Variants in LCORL observed in about 807,000 individuals in gnomAD.
LCORL encodes ligand-dependent nuclear receptor corepressor-like protein.
A neutral mutation model predicts 141.8 loss-of-function variants in LCORL; 41 were observed. The observed-to-expected ratio is 0.29, with a 90% CI of 0.23 to 0.38. The LOEUF (loss-of-function observed/expected upper bound fraction) is 0.38. Among genes scored for constraint, LCORL ranks in the 10% least tolerant of loss-of-function variants. The pLI is 1.00. For synonymous variants in LCORL, 618 were observed against 694.1 expected (o/e 0.89, Z 1.72); for missense variants, 1,759 against 2,035.0 (o/e 0.86, Z 2.61).
exon 8 of LCORL, chr4:17,845,577 A>C: frequency 3.9e-6 from 2 of 512,228 alleles, no homozygotes; most frequent in South Asian, 1.0e-4. Context: ...CATATAAAGA[A>C]TATAATCAAA....
intron 7 of LCORL, among the ~76,000 whole-genome samples, chr4:17,857,966 G>A (rs1724557007): frequency 6.6e-6 from 1 of 152,074 alleles, no homozygotes; most frequent in South Asian, 2.1e-4. Context: ...GCATCCCACT[G>A]AAAATTACCA....
chr4:17,880,960 T>C (rs1727486439), intron 6 of LCORL: 2 of 983,124 alleles, frequency 2.0e-6, no homozygotes, highest in Non-Finnish European at 2.4e-6. Context: ...AGAGTTTTAC[T>C]AAATTACTGC....
chr4:17,903,347 C>T (rs2109305685), intron 5 of LCORL, among the ~76,000 whole-genome samples: 1 of 152,100 alleles, frequency 6.6e-6, no homozygotes, highest in East Asian at 1.9e-4. Flanking sequence ...ATGAAGTATT[C>T]CATCTCTGCC....
At chr4:17,919,971 G>A (rs181925350) in intron 4 of LCORL, among the ~76,000 whole-genome samples, 45 of 152,334 alleles carry the variant, frequency 3.0e-4, no homozygotes, top group Admixed American at 2.9e-3. Flanking sequence ...GCCCTGGAGG[G>A]TGGCACACCC....
chr4:17,929,348 C>T lies in LCORL; in HGVS notation c.431-20003G>A, dbSNP rs965912532. Reference sequence around the variant, plus strand: ...AAATAATCTCGAAAGAGAACAAAATCGGAGGATTAGCATTTCCTAATTTCA... The same window carrying T: ...AAATAATCTCGAAAGAGAACAAAATTGGAGGATTAGCATTTCCTAATTTCA... On this transcript the variant is annotated intron_variant, in intron 4 of 7. Coordinates refer to ENST00000635767, the Ensembl canonical transcript of LCORL. 3.3e-5 allele frequency among the ~76,000 whole-genome samples: 5 copies of T among 152,160 alleles called. No individual in the cohort carries two copies. The South Asian group carries it at 6.2e-4, about 19-fold the overall frequency.
At chr4:17,946,289 A>G (rs1171275942) in intron 4 of LCORL, among the ~76,000 whole-genome samples, 3 of 151,962 alleles carry the variant, frequency 2.0e-5, no homozygotes, top group Non-Finnish European at 4.4e-5. Context: ...AATTTTTCTG[A>G]ACTGTATTAC....
chr4:17,912,072 C>T, intron 4 of LCORL: 1 of 712,590 alleles, frequency 1.4e-6, no homozygotes, highest in Non-Finnish European at 2.6e-6. Flanking sequence ...AGGTCAGAGA[C>T]TGGAGCCATT....
intron 4 of LCORL, among the ~76,000 whole-genome samples, chr4:17,954,250 A>C (rs1200738283): frequency 6.6e-6 from 1 of 152,198 alleles, no homozygotes; most frequent in Non-Finnish European, 1.5e-5. Flanking sequence ...AGGGCAGTGC[A>C]TCGTCAGGAG....
exon 7 of LCORL, chr4:17,873,732 T>G: frequency 8.1e-7 from 1 of 1,233,972 alleles, no homozygotes; most frequent in Non-Finnish European, 1.0e-6. Flanking sequence ...GTCAGTAGAT[T>G]CAGGAGAGTA....
chr4:17,964,132 C>T (rs1319354886), intron 2 of LCORL, among the ~76,000 whole-genome samples: 1 of 152,062 alleles, frequency 6.6e-6, no homozygotes, highest in Non-Finnish European at 1.5e-5. Context: ...TAACAACTCC[C>T]TTTAATTTCT....
At chr4:17,994,521 T>A (rs1039282768) in intron 1 of LCORL, among the ~76,000 whole-genome samples, 4 of 152,194 alleles carry the variant, frequency 2.6e-5, no homozygotes, top group Non-Finnish European at 5.9e-5. Context: ...CAATTTAAAG[T>A]TTCATCTGAT....
intron 1 of LCORL, among the ~76,000 whole-genome samples, chr4:18,016,405 A>G (rs2109897478): frequency 6.6e-6 from 1 of 152,308 alleles, no homozygotes; most frequent in South Asian, 2.1e-4. Flanking sequence ...CACTACCAAA[A>G]TAAAAGATTT....
At chr4:17,909,259 T>G in exon 5 of LCORL, 8 of 1,613,178 alleles carry the variant, frequency 5.0e-6, no homozygotes, top group Non-Finnish European at 6.8e-6. Context: ...CTTTTTGAAA[T>G]GTACTCAATC....
exon 8 of LCORL, chr4:17,843,727 C>A: frequency 5.5e-6 from 1 of 183,022 alleles, no homozygotes; most frequent in Admixed American, 5.7e-5. Flanking sequence ...AAAATCATGT[C>A]ATTATGGAAA....
At chr4:17,889,953 A>G (rs991957151) in intron 5 of LCORL, among the ~76,000 whole-genome samples, 3 of 152,194 alleles carry the variant, frequency 2.0e-5, no homozygotes, top group East Asian at 3.9e-4. Context: ...GATAAAATTA[A>G]GCGCCCAGCA....
At chr4:17,860,555 C>A (rs192631529) in intron 7 of LCORL, among the ~76,000 whole-genome samples, 1 of 152,138 alleles carries the variant, frequency 6.6e-6, no homozygotes, top group Admixed American at 6.5e-5. Context: ...ACAGCTAAAC[C>A]ATATCATTTT....
At chr4:17,991,167 AC>A (rs1719950339) in intron 1 of LCORL, among the ~76,000 whole-genome samples, 2 of 152,092 alleles carry the variant, frequency 1.3e-5, no homozygotes, top group South Asian at 4.2e-4. Context: ...ACCTAGCATA[AC>A]CTCTCTCATC....
chr4:17,886,010 T>G lies in LCORL; in HGVS notation c.776+58A>C, dbSNP rs1205849219. The G allele has an allele frequency of 3.1e-6, 3 of 959,210 alleles. No individual in the cohort carries two copies. The African/African-American group carries it at 5.1e-5, about 16-fold the overall frequency. 59.4% of individuals were successfully genotyped at this position (959,210 alleles called of 1,614,324 possible). A position where few individuals can be genotyped will look rare whatever the true frequency, so the allele number is the denominator to read the frequency against. On this transcript the variant is annotated intron_variant, in intron 6 of 7. Transcript: ENST00000635767. ...ATACTACTCAGAATAGTATTAAGAGTTCTCTGCAGAGATAATTTTATATTA... is the reference window on the plus strand; with the variant it reads ...ATACTACTCAGAATAGTATTAAGAGGTCTCTGCAGAGATAATTTTATATTA...
intron 4 of LCORL, among the ~76,000 whole-genome samples, chr4:17,923,565 G>A (rs972037757): frequency 6.6e-6 from 1 of 152,088 alleles, no homozygotes; most frequent in Non-Finnish European, 1.5e-5. Context: ...AGAATCGCTC[G>A]AACCCGGGAG....
Sources: allele counts gnomAD v4.1 joint callset (sites outside exome capture counted in the v4.1 genomes callset), GRCh38; gene constraint gnomAD v4.1.1; transcripts MANE v1.5; gene names NCBI Gene and HGNC (gene_info 2026-07-23, HGNC 2026-07-21).